ROBO2: variants seen among roughly 807,000 people sequenced by gnomAD.
ROBO2 encodes the protein roundabout guidance receptor 2.
ROBO2 carries 53 observed loss-of-function variants against 160.8 expected under a neutral mutation model. The observed-to-expected ratio is 0.33, with a 90% confidence interval of 0.26 to 0.41. The LOEUF is 0.41. Ranked by LOEUF, ROBO2 falls within the 10% of genes least tolerant of loss-of-function variation. The pLI is 1.00. For synonymous variants in ROBO2, 664 were observed against 611.7 expected, an observed-to-expected ratio of 1.09 and a Z score of -1.26; for missense variants, 1,577 against 1,722.4, an observed-to-expected ratio of 0.92 and a Z score of 1.49.
chr3:77,416,148 A>G (rs2153527458), intron 2 of ROBO2, among the ~76,000 whole-genome samples: 1 of 152,286 alleles, frequency 6.6e-6, no homozygotes, highest in Middle Eastern at 3.4e-3. Context: ...AGGGGAGCCC[A>G]AGTTGGTGGC....
intron 1 of ROBO2, among the ~76,000 whole-genome samples, chr3:77,073,215 C>T (rs577424753): frequency 3.9e-5 from 6 of 152,232 alleles, no homozygotes; most frequent in African/African-American, 1.4e-4. Context: ...TAAAAATAGT[C>T]TTTAACAGGT....
intron 2 of ROBO2, among the ~76,000 whole-genome samples, chr3:76,838,069 T>A (rs1024062837): frequency 2.6e-5 from 4 of 152,098 alleles, no homozygotes; most frequent in African/African-American, 9.7e-5. Flanking sequence ...AAGAGTGATA[T>A]CATGTCTTTT....
chr3:77,516,129 T>C (rs1017570347), intron 5 of ROBO2, among the ~76,000 whole-genome samples: 2 of 151,658 alleles, frequency 1.3e-5, no homozygotes, highest in Non-Finnish European at 3.0e-5. Context: ...AATGAAGTTC[T>C]TTGAAATTGT....
At chr3:77,074,191 T>C (rs1306008368) in intron 1 of ROBO2, among the ~76,000 whole-genome samples, 1 of 152,238 alleles carries the variant, frequency 6.6e-6, no homozygotes, top group Non-Finnish European at 1.5e-5. Flanking sequence ...CGTGTCCTGA[T>C]TGTTTTCACA....
intron 2 of ROBO2, among the ~76,000 whole-genome samples, chr3:76,034,968 A>G (rs2067055090): frequency 1.3e-5 from 2 of 151,990 alleles, no homozygotes; most frequent in African/African-American, 4.8e-5. Flanking sequence ...CCTCCCAGAA[A>G]ACTTGGTCCA....
chr3:76,125,622 A>C (rs1000499291), intron 2 of ROBO2, among the ~76,000 whole-genome samples: 3 of 151,594 alleles, frequency 2.0e-5, no homozygotes, highest in Non-Finnish European at 4.4e-5. Flanking sequence ...TTTTTTTCAC[A>C]TGTTTGTTGG....
chr3:77,550,357 T>C (rs73117971), intron 7 of ROBO2, among the ~76,000 whole-genome samples: 15,042 of 152,034 alleles, frequency 0.099, 976 homozygotes, highest in Middle Eastern at 0.17. Flanking sequence ...CCATCAAGTA[T>C]TCAAAATGAT....
chr3:76,784,932 G>T, intron 2 of ROBO2, among the ~76,000 whole-genome samples: 1 of 151,132 alleles, frequency 6.6e-6, no homozygotes, highest in East Asian at 2.0e-4. Context: ...TTGTGACACT[G>T]CTTATCTTAC....
intron 2 of ROBO2, among the ~76,000 whole-genome samples, chr3:76,405,045 A>G (rs2078049753): frequency 6.6e-6 from 1 of 151,584 alleles, no homozygotes; most frequent in African/African-American, 2.4e-5. Context: ...TCAACTTTGG[A>G]CAATGGCATG....
intron 2 of ROBO2, among the ~76,000 whole-genome samples, chr3:77,205,741 C>A (rs2083372327): frequency 6.6e-6 from 1 of 151,870 alleles, no homozygotes; most frequent in Admixed American, 6.6e-5. Flanking sequence ...AATGTATGGG[C>A]AAAAATAATA....
intron 2 of ROBO2, among the ~76,000 whole-genome samples, chr3:77,261,304 A>T (rs1442939774): frequency 6.6e-6 from 1 of 152,168 alleles, no homozygotes; most frequent in Admixed American, 6.5e-5. Context: ...TTCTGCAGAC[A>T]CTTAAGAAAA....
chr3:76,504,519 CTTTTTTTTTTTTT>C (rs57591523), intron 2 of ROBO2, among the ~76,000 whole-genome samples: 3 of 73,548 alleles, frequency 4.1e-5, no homozygotes, highest in East Asian at 4.7e-4. Context: ...AGAAAATACT[CTTTTTTTTTTTTT>C]TTTTTTTTTT....
At chr3:77,327,531 A>C (rs994850160) in intron 2 of ROBO2, among the ~76,000 whole-genome samples, 38 of 152,154 alleles carry the variant, frequency 2.5e-4, no homozygotes, top group Admixed American at 1.8e-3. Flanking sequence ...TTATTGGAGA[A>C]GGGATGAGTA....
chr3:75,996,569 C>T (rs1434996695), intron 2 of ROBO2, among the ~76,000 whole-genome samples: 1 of 152,166 alleles, frequency 6.6e-6, no homozygotes, highest in Non-Finnish European at 1.5e-5. Flanking sequence ...CTCATACATC[C>T]ATTCATTTAG....
intron 2 of ROBO2, among the ~76,000 whole-genome samples, chr3:76,168,709 T>C (rs2072925281): frequency 6.6e-6 from 1 of 152,120 alleles, no homozygotes. Flanking sequence ...AAAAACGTAG[T>C]AGTATTATCA....
At chr3:77,044,964 T>C (rs1402440710) in intron 1 of ROBO2, among the ~76,000 whole-genome samples, 1 of 151,444 alleles carries the variant, frequency 6.6e-6, no homozygotes, top group Non-Finnish European at 1.5e-5. Flanking sequence ...TCTTCTCTTC[T>C]TTTTTTTTCC....
intron 2 of ROBO2, among the ~76,000 whole-genome samples, chr3:76,917,083 G>A (rs184580554): frequency 1.2e-3 from 185 of 152,208 alleles, no homozygotes; most frequent in African/African-American, 4.2e-3. Context: ...AATGATAACC[G>A]ACAAACCAAG....
intron 2 of ROBO2, among the ~76,000 whole-genome samples, chr3:76,749,359 G>A (rs551355764): frequency 5.3e-5 from 8 of 151,986 alleles, no homozygotes; most frequent in Admixed American, 2.6e-4. Context: ...TTCAAGGTAG[G>A]CATTCTTAAA....
At chr3:76,356,094 A>C (rs955986218) in intron 2 of ROBO2, among the ~76,000 whole-genome samples, 2 of 151,794 alleles carry the variant, frequency 1.3e-5, no homozygotes, top group Non-Finnish European at 2.9e-5. Context: ...AGAAATATTT[A>C]CTTTTCAATT....
Sources: gnomAD v4.1 joint callset for allele counts (sites outside exome capture counted in the v4.1 genomes callset) on GRCh38, gnomAD v4.1.1 for gene constraint, MANE v1.5 for transcripts, NCBI Gene and HGNC (gene_info 2026-07-23, HGNC 2026-07-21) for gene names.